TNRC6B: variants seen among roughly 807,000 people sequenced by gnomAD.
TNRC6B encodes the protein trinucleotide repeat containing adaptor 6B.
TNRC6B carries 52 observed loss-of-function variants against 203.6 expected under a neutral mutation model. The observed-to-expected ratio is 0.26, with a 90% CI of 0.20 to 0.32. The LOEUF (loss-of-function observed/expected upper bound fraction) is 0.32. Ranked by LOEUF, TNRC6B falls within the 10% of genes least tolerant of loss-of-function variation. The pLI is 1.00. For missense variants in TNRC6B, 1,923 were observed against 2,286.2 expected (o/e 0.84, Z 3.24); for synonymous variants, 838 against 845.7 (o/e 0.99, Z 0.16).
At chr22:40,085,561 G>A (rs1432332585) in intron 1 of TNRC6B, among the ~76,000 whole-genome samples, 1 of 152,184 alleles carries the variant, frequency 6.6e-6, no homozygotes, top group African/African-American at 2.4e-5. Context: ...CATTCAGAGT[G>A]CAAGGAAGAG....
rs376941945 is a variant in TNRC6B, at chr22:40,300,486, A to G, written c.3740A>G (p.Asn1247Ser). The G allele has an allele frequency of 4.9e-5, 78 of 1,605,108 alleles. No individual in the cohort carries two copies. Among genetic ancestry groups the G allele is most frequent in the Non-Finnish European group, 6.5e-5 (76 of 1,177,530 alleles). The change falls in exon 13 of 23, where the codon AAC becomes AGC. Residue 1247 changes from asparagine (N) to serine (S), a missense_variant. Physicochemically the swap from Asn to Ser is conservative, Grantham distance 46. Transcript: ENST00000454349. ...GCCTCAATGCTCAAGCAGTTTCCCA[A>G]CAGTGGCCTGAGTCCAGGTCTTTTC... ...VSASMLKQFP[N>S]SGLSPGLFNV...
Position 40,273,437 on chromosome 22 carries a change from T to A in TNRC6B, c.2978T>A (p.Met993Lys). ...TCTTTCCTTAAAGATTCCAAATCTATGCAAGACGGCTGGGGGGAGAGTGAC... is the reference window on the plus strand; with the variant it reads ...TCTTTCCTTAAAGATTCCAAATCTAAGCAAGACGGCTGGGGGGAGAGTGAC... Reference protein sequence around the residue: ...PNAMKPNSKSMQDGWGESDGP... With the variant: ...PNAMKPNSKSKQDGWGESDGP... Residue 993 changes from methionine to lysine, a missense_variant, in exon 7 of 23, where the codon ATG (methionine) becomes AAG (lysine). By Grantham distance (95) the Met-to-Lys change is moderately conservative. Coordinates refer to ENST00000454349, the MANE Select transcript of TNRC6B (RefSeq NM_001162501.2). 1 of 1,607,636 alleles carries A rather than the reference T, an allele frequency of 6.2e-7. No individual in the cohort carries two copies.
chr22:40,214,871 C>G (rs1386063441), intron 1 of TNRC6B, among the ~76,000 whole-genome samples: 1 of 152,108 alleles, frequency 6.6e-6, no homozygotes. Context: ...GTATTTCTTA[C>G]AACTGCATGT....
At chr22:40,281,094 T>C (rs2070716478) in intron 10 of TNRC6B, 25 bp from the exon 11 acceptor site, 2 of 1,525,776 alleles carry the variant, frequency 1.3e-6, no homozygotes, top group Non-Finnish European at 8.8e-7. Context: ...CTCGTTGTGA[T>C]TGGCTAACTC....
At chr22:40,046,273 T>C (rs776925167) in intron 1 of TNRC6B, among the ~76,000 whole-genome samples, 39 of 152,226 alleles carry the variant, frequency 2.6e-4, no homozygotes, top group Non-Finnish European at 4.7e-4. Flanking sequence ...GTTGTGTAAA[T>C]GCCTCTTATA....
chr22:40,109,245 C>T (rs989911252), intron 1 of TNRC6B, among the ~76,000 whole-genome samples: 9 of 151,984 alleles, frequency 5.9e-5, no homozygotes, highest in African/African-American at 1.5e-4. Flanking sequence ...AGTGAACATA[C>T]GCGTGTATGT....
At chr22:40,219,684 A>G (rs1057498578) in intron 1 of TNRC6B, among the ~76,000 whole-genome samples, 26 of 151,960 alleles carry the variant, frequency 1.7e-4, no homozygotes, top group African/African-American at 6.0e-4. Flanking sequence ...TCTTTCCTCT[A>G]CCTGGATCGT....
chr22:40,316,550 TG>T (rs1331366045), intron 21 of TNRC6B, among the ~76,000 whole-genome samples: 5 of 152,110 alleles, frequency 3.3e-5, no homozygotes, highest in African/African-American at 4.8e-5. Context: ...CTCAGGAGGC[TG>T]AGGTGGGAGG....
At chr22:40,202,986 G>C (rs1290947397) in intron 1 of TNRC6B, among the ~76,000 whole-genome samples, 4 of 152,066 alleles carry the variant, frequency 2.6e-5, no homozygotes, top group African/African-American at 9.7e-5. Flanking sequence ...AGGACTTCAG[G>C]CCATTGTCTT....
intron 1 of TNRC6B, among the ~76,000 whole-genome samples, chr22:40,111,533 A>G (rs1421983152): frequency 6.6e-6 from 1 of 152,230 alleles, no homozygotes; most frequent in Non-Finnish European, 1.5e-5. Context: ...AAGGAAGTAT[A>G]TACTAGAATA....
Position 40,316,029 on chromosome 22 carries a change from G to A in TNRC6B, c.4974+17G>A, listed in dbSNP as rs752918549. 15 of 1,609,872 alleles carry A rather than the reference G, an allele frequency of 9.3e-6. No homozygotes were observed. In the Admixed American group the frequency reaches 1.3e-4, roughly 14 times the overall value. ...ACCCCACAGGTAATTATGCTTTCTCGCAGTTTTCTAGATAGGACTTGATTG... is the reference window on the plus strand; with the variant it reads ...ACCCCACAGGTAATTATGCTTTCTCACAGTTTTCTAGATAGGACTTGATTG... On this transcript the variant is annotated intron_variant, in intron 21 of 22. Transcript: ENST00000454349.
At chr22:40,281,445 G>A (rs1350879093) in intron 11 of TNRC6B, among the ~76,000 whole-genome samples, 156 bp downstream of exon 11, 8 of 152,072 alleles carry the variant, frequency 5.3e-5, no homozygotes, top group South Asian at 2.1e-4. Flanking sequence ...TCAGCCCATA[G>A]AACCCATCTC....
At chr22:40,251,272 G>A in intron 3 of TNRC6B, 72 bp downstream of exon 3, 1 of 1,239,000 alleles carries the variant, frequency 8.1e-7, no homozygotes, top group East Asian at 2.7e-5. Context: ...TGCTGACTCA[G>A]CCTCCAATCC....
chr22:40,081,484 G>A (rs895162668), intron 1 of TNRC6B, among the ~76,000 whole-genome samples: 2 of 151,990 alleles, frequency 1.3e-5, no homozygotes, highest in African/African-American at 2.4e-5. Context: ...CTGCTGAAAC[G>A]TTTTTCATAA....
At chr22:40,090,817 A>G in intron 1 of TNRC6B, among the ~76,000 whole-genome samples, 1 of 152,182 alleles carries the variant, frequency 6.6e-6, no homozygotes, top group Admixed American at 6.5e-5. Flanking sequence ...AATTCTCACT[A>G]ACAGGAAGCA....
intron 1 of TNRC6B, among the ~76,000 whole-genome samples, chr22:40,073,063 G>T (rs2146281959): frequency 6.6e-6 from 1 of 151,298 alleles, no homozygotes; most frequent in Non-Finnish European, 1.5e-5. Flanking sequence ...CAAGTTGTTT[G>T]GTCAAGTCCC....
At chr22:40,293,477 G>A (rs1180867164) in intron 12 of TNRC6B, among the ~76,000 whole-genome samples, 1 of 151,966 alleles carries the variant, frequency 6.6e-6, no homozygotes, top group Non-Finnish European at 1.5e-5. Context: ...ACAGGCATGA[G>A]CCACCGTGCC....
At chr22:40,142,682 G>A (rs1194213359) in intron 3 of TNRC6B, among the ~76,000 whole-genome samples, 1 of 152,136 alleles carries the variant, frequency 6.6e-6, no homozygotes, top group East Asian at 1.9e-4. Flanking sequence ...GTTAAAATAA[G>A]CAAGAAGTGT....
intron 1 of TNRC6B, among the ~76,000 whole-genome samples, chr22:40,215,750 A>G (rs1206440490): frequency 1.3e-5 from 2 of 152,104 alleles, no homozygotes; most frequent in Non-Finnish European, 2.9e-5. Context: ...CTAGTTAACA[A>G]TTTTTTATAT....
Sources: allele counts gnomAD v4.1 joint callset (sites outside exome capture counted in the v4.1 genomes callset), GRCh38; gene constraint gnomAD v4.1.1; transcripts MANE v1.5; gene names NCBI Gene and HGNC (gene_info 2026-07-23, HGNC 2026-07-21).